EYA1: variants seen among roughly 807,000 people sequenced by gnomAD.
The protein encoded by EYA1 is EYA transcriptional coactivator and phosphatase 1.
A neutral mutation model predicts 82.0 loss-of-function variants in EYA1; 16 were observed. That is an observed-to-expected ratio of 0.20 (90% CI 0.13 to 0.30). EYA1 has a LOEUF of 0.30. Among genes scored for constraint, EYA1 ranks in the 10% least tolerant of loss-of-function variants. EYA1 has a pLI of 1.00. For synonymous variants in EYA1, 261 were observed against 264.4 expected (o/e 0.99, Z 0.12); for missense variants, 633 against 730.7 (o/e 0.87, Z 1.54).
At chr8:71,264,785 G>A (rs1815580125) in intron 11 of EYA1, among the ~76,000 whole-genome samples, 1 of 151,772 alleles carries the variant, frequency 6.6e-6, no homozygotes. Context: ...CTCTTGCCAT[G>A]TTACCCAGGC....
chr8:71,333,603 T>A (rs576861030), intron 4 of EYA1, among the ~76,000 whole-genome samples: 1 of 152,226 alleles, frequency 6.6e-6, no homozygotes. Flanking sequence ...GCAGGTTTTA[T>A]TAATGTGAAG....
intron 11 of EYA1, among the ~76,000 whole-genome samples, chr8:71,267,045 A>G (rs1388637250): frequency 1.3e-5 from 2 of 152,100 alleles, no homozygotes; most frequent in Non-Finnish European, 2.9e-5. Flanking sequence ...ACAACCTCCA[A>G]TTTGGACCCC....
rs569948454 is a variant in EYA1 at position 71,443,921 on chromosome 8, A to G, written c.34-87410T>C. Among the ~76,000 whole-genome samples the G allele has an allele frequency of 2.0e-5, 3 of 152,368 alleles. No homozygotes were observed. In the South Asian group the frequency reaches 6.2e-4, roughly 32 times the overall value. ...ACAGCTTTCTAAAGCATTTCTACAA[A>G]TACCAATGAACTTAACTATCTGTTT... On this transcript the variant is annotated intron_variant, in intron 2 of 18. Transcript: ENST00000643681.
rs192036205 is a variant in EYA1, at chr8:71,426,266, C to A, written c.34-69755G>T. ...GTCCATTCTCACATGGAGACATTAA[C>A]AAGCAAAGTAGAATTATCGTTTCCA... On this transcript the variant is annotated intron_variant, in intron 2 of 18. Transcript: ENST00000643681. 2.0e-3 allele frequency among the ~76,000 whole-genome samples: 298 copies of A among 152,286 alleles called. 1 individual carries two copies. Among genetic ancestry groups the A allele is most frequent in the Middle Eastern group, 0.014 (4 of 294 alleles).
At chr8:71,280,737 G>T (rs904648826) in intron 9 of EYA1, among the ~76,000 whole-genome samples, 2 of 152,054 alleles carry the variant, frequency 1.3e-5, no homozygotes, top group Non-Finnish European at 2.9e-5. Context: ...AACAATGTTG[G>T]AAAACTTTGT....
chr8:71,362,284 TAA>T (rs35162278), upstream of EYA1: 899 of 655,730 alleles, frequency 1.4e-3, no homozygotes, highest in Non-Finnish European at 1.6e-3. Context: ...CCTTGCTGTT[TAA>T]AAAAAAAAAA....
chr8:71,349,730 C>G (rs546304675), intron 3 of EYA1, among the ~76,000 whole-genome samples: 1 of 152,356 alleles, frequency 6.6e-6, no homozygotes, highest in South Asian at 2.1e-4. Context: ...CAGAAGCTGA[C>G]TTGTCTGAGT....
At chr8:71,412,745 T>G (rs1830675199) in intron 2 of EYA1, among the ~76,000 whole-genome samples, 1 of 152,216 alleles carries the variant, frequency 6.6e-6, no homozygotes, top group Non-Finnish European at 1.5e-5. Flanking sequence ...GCTCTGGGCA[T>G]AGTCAGGAAT....
At chr8:71,402,504 G>C (rs759760981) in intron 2 of EYA1, among the ~76,000 whole-genome samples, 5 of 152,102 alleles carry the variant, frequency 3.3e-5, no homozygotes, top group Non-Finnish European at 7.4e-5. Context: ...AAAAGAAAAG[G>C]CTTAATATTC....
In EYA1 at chr8:71,444,819, G is replaced by A. The variant is rs141237813; in HGVS notation, c.34-88308C>T. ...TACACCATCGACCAGATTTCACTTC[G>A]TGGGAGGTAGTGATATTAAAACTAT... is the stretch of plus-strand genomic sequence containing the variant. On this transcript the variant is annotated intron_variant, in intron 2 of 18. Coordinates refer to the EYA1 transcript ENST00000643681. 3.3e-5 allele frequency among the ~76,000 whole-genome samples: 5 copies of A among 152,322 alleles called. No individual in the cohort carries two copies. In the East Asian group the frequency reaches 5.8e-4, roughly 18 times the overall value.
intron 2 of EYA1, among the ~76,000 whole-genome samples, chr8:71,367,816 T>A (rs1374246530): frequency 6.6e-6 from 1 of 152,204 alleles, no homozygotes; most frequent in East Asian, 1.9e-4. Context: ...TTTAGTATAC[T>A]ATGGTGTGAG....
At position 71,203,278 on chromosome 8, in the gene EYA1, T is replaced by TGTTACCTGC. The variant is rs574780781; in HGVS notation, c.1699-3867_1699-3859dup. ...GTGACTTTATTATCAAAACAAAGTC[T>TGTTACCTGC]GTTACCTGCATAGCACCGTAGCTAC... On this transcript the variant is annotated intron_variant, in intron 17 of 17. Coordinates refer to ENST00000340726, the MANE Select transcript of EYA1 (RefSeq NM_000503.6). 2.6e-5 allele frequency among the ~76,000 whole-genome samples: 4 copies of TGTTACCTGC among 152,284 alleles called. No homozygotes were observed. In the South Asian group the frequency reaches 8.3e-4, roughly 32 times the overall value.
chr8:71,376,972 C>T (rs1017715069), intron 2 of EYA1, among the ~76,000 whole-genome samples: 1 of 152,072 alleles, frequency 6.6e-6, no homozygotes, highest in Non-Finnish European at 1.5e-5. Context: ...CACATGTCTC[C>T]GTACTCACCA....
intron 2 of EYA1, among the ~76,000 whole-genome samples, chr8:71,485,565 G>C (rs956757783): frequency 6.6e-6 from 1 of 151,164 alleles, no homozygotes; most frequent in South Asian, 2.1e-4. Context: ...CAACGGAAGA[G>C]TAAACCATTT....
intron 2 of EYA1, among the ~76,000 whole-genome samples, chr8:71,425,354 C>A (rs546072162): frequency 6.6e-6 from 1 of 151,884 alleles, no homozygotes; most frequent in African/African-American, 2.4e-5. Context: ...GTTGAGAAAG[C>A]AAATAGTAAA....
intron 2 of EYA1, among the ~76,000 whole-genome samples, chr8:71,483,482 A>C (rs1285515294): frequency 1.3e-5 from 2 of 152,184 alleles, no homozygotes; most frequent in Non-Finnish European, 2.9e-5. Flanking sequence ...CACTTTAAAA[A>C]AGTTTAACAA....
chr8:71,425,271 G>C (rs1000108852), intron 2 of EYA1, among the ~76,000 whole-genome samples: 1 of 148,336 alleles, frequency 6.7e-6, no homozygotes, highest in Non-Finnish European at 1.5e-5. Flanking sequence ...CTGGGTGACA[G>C]AGGGAGACTC....
intron 4 of EYA1, chr8:71,323,950 A>T (rs1291425955): frequency 6.6e-6 from 1 of 152,224 alleles, no homozygotes; most frequent in Non-Finnish European, 1.5e-5. Flanking sequence ...GGTAACATGG[A>T]CTTACCCAGC....
chr8:71,366,726 T>C (rs1325650116), upstream of EYA1, among the ~76,000 whole-genome samples: 1 of 152,260 alleles, frequency 6.6e-6, no homozygotes, highest in African/African-American at 2.4e-5. Flanking sequence ...CTGATTTTTT[T>C]AAATATGAGT....
Sources: allele counts gnomAD v4.1 joint callset (sites outside exome capture counted in the v4.1 genomes callset), GRCh38; gene constraint gnomAD v4.1.1; transcripts MANE v1.5; gene names NCBI Gene and HGNC (gene_info 2026-07-23, HGNC 2026-07-21).